The following GDAP1L1 variants were observed in gnomAD, a reference collection of about 807,000 sequenced individuals.
GDAP1L1 encodes ganglioside-induced differentiation-associated protein 1-like 1.
A neutral mutation model predicts 37.1 loss-of-function variants in GDAP1L1; 21 were observed. The observed-to-expected ratio is 0.57, with a 90% CI of 0.40 to 0.81. GDAP1L1 has a LOEUF of 0.81. Ranked by LOEUF, GDAP1L1 falls within the 40% of genes least tolerant of loss-of-function variation. The pLI, the probability that GDAP1L1 is intolerant of heterozygous loss-of-function variation, is 0.00. For synonymous variants in GDAP1L1, 193 were observed against 209.1 expected (o/e 0.92, Z 0.67); for missense variants, 362 against 491.6 (o/e 0.74, Z 2.49).
At chr20:44,274,906 A>T (rs145110826) in intron 5 of GDAP1L1, among the ~76,000 whole-genome samples, 4 of 151,706 alleles carry the variant, frequency 2.6e-5, no homozygotes, top group East Asian at 1.9e-4. Flanking sequence ...TTTGTTTGTT[A>T]GTTTTTGAGA....
intron 5 of GDAP1L1, among the ~76,000 whole-genome samples, chr20:44,269,179 C>T (rs1274024911): frequency 1.3e-5 from 2 of 152,042 alleles, no homozygotes; most frequent in Admixed American, 6.6e-5. Flanking sequence ...CTTTTTCATT[C>T]ATTTTTTCAA....
At chr20:44,267,088 G>A (rs181841220) in intron 5 of GDAP1L1, among the ~76,000 whole-genome samples, 94 of 152,308 alleles carry the variant, frequency 6.2e-4, no homozygotes, top group African/African-American at 2.2e-3. Context: ...AGAGCTTAAG[G>A]CTTCAACATG....
intron 5 of GDAP1L1, chr20:44,265,629 G>GA: frequency 2.6e-6 from 1 of 384,718 alleles, no homozygotes; most frequent in Non-Finnish European, 3.6e-6. Flanking sequence ...TCTATAAGAT[G>GA]GGATGGTAAT....
chr20:44,265,070 C>T (rs1600549703), intron 5 of GDAP1L1: 1 of 985,362 alleles, frequency 1.0e-6, no homozygotes, highest in Non-Finnish European at 1.2e-6. Context: ...CGGTTGCTCC[C>T]CCATCACCTC....
chr20:44,247,226 G>C, upstream of GDAP1L1: 6 of 1,093,498 alleles, frequency 5.5e-6, no homozygotes, highest in South Asian at 5.5e-5. Context: ...TTCACGGAGC[G>C]GGGAGGGAGG....
chr20:44,265,766 T>G (rs933139090), intron 5 of GDAP1L1, among the ~76,000 whole-genome samples: 8 of 152,150 alleles, frequency 5.3e-5, no homozygotes, highest in African/African-American at 1.7e-4. Flanking sequence ...ATGAGAAAAC[T>G]GAGGCTCAGA....
chr20:44,258,049 C>T, intron 2 of GDAP1L1: 1 of 661,280 alleles, frequency 1.5e-6, no homozygotes, highest in South Asian at 1.7e-5. Context: ...GCTCAGACAC[C>T]CACTGGGAGG....
chr20:44,277,017 TTTTATTTA>T (rs953029478), intron 5 of GDAP1L1, among the ~76,000 whole-genome samples: 2 of 152,012 alleles, frequency 1.3e-5, no homozygotes, highest in South Asian at 2.1e-4. Flanking sequence ...TTTTTTTAAT[TTTTATTTA>T]TTTATTTATT....
chr20:44,253,185 A>T (rs2145991461), intron 1 of GDAP1L1, among the ~76,000 whole-genome samples: 1 of 152,170 alleles, frequency 6.6e-6, no homozygotes, highest in Non-Finnish European at 1.5e-5. Flanking sequence ...TGACAGACCA[A>T]ATTGCTTACC....
intron 5 of GDAP1L1, among the ~76,000 whole-genome samples, chr20:44,276,412 A>AAAGAAAGAAAG (rs2062576459): frequency 3.6e-4 from 41 of 113,394 alleles, no homozygotes; most frequent in African/African-American, 1.4e-3. Flanking sequence ...AGAAAAAAGA[A>AAAGAAAGAAAG]AAAGAAAGAA....
Position 44,247,312 on chromosome 20 carries a change from C to T in GDAP1L1, c.-23C>T. On this transcript the variant is annotated 5_prime_UTR_variant, in exon 1 of 6. Transcript: ENST00000342560. The stretch of plus-strand genomic sequence containing the variant: ...CCGCCGCGCCGGAGCCTCCTTCTTT[C>T]CTGCCTCTGATTCCGGGCTGTCATG... 6.2e-7 allele frequency: 1 copy of T among 1,612,762 alleles called. No homozygotes were observed. The highest frequency in any genetic ancestry group is 2.2e-5 in the East Asian group (1 of 44,800).
chr20:44,266,451 C>T (rs1043001925), intron 5 of GDAP1L1, among the ~76,000 whole-genome samples: 3 of 151,870 alleles, frequency 2.0e-5, no homozygotes, highest in African/African-American at 7.3e-5. Flanking sequence ...AGAGTCCCAG[C>T]TCTGCCATGC....
chr20:44,258,613 T>C lies in GDAP1L1; in HGVS notation c.547+6T>C. ...CGCCACGGCCGAGATCCGCAGTGAG[T>C]GCCAGGGCGGCGAGACAGCCCCTCT... On this transcript the variant is annotated splice_donor_region_variant and intron_variant, in intron 3 of 5. Coordinates refer to ENST00000342560, the MANE Select transcript of GDAP1L1 (RefSeq NM_024034.6). The C allele has an allele frequency of 6.3e-7, 1 of 1,592,148 alleles. No individual in the cohort carries two copies. The highest frequency in any genetic ancestry group is 1.3e-5 in the African/African-American group (1 of 74,504).
intron 5 of GDAP1L1, among the ~76,000 whole-genome samples, chr20:44,265,849 G>A (rs386626666): frequency 1.1e-4 from 17 of 152,262 alleles, no homozygotes; most frequent in South Asian, 8.3e-4. Context: ...GTTCCCTCTC[G>A]ATGGGTCCAG....
At chr20:44,270,202 G>T (rs1201425541) in intron 5 of GDAP1L1, among the ~76,000 whole-genome samples, 2 of 118,146 alleles carry the variant, frequency 1.7e-5, no homozygotes, top group African/African-American at 6.8e-5. Context: ...ACGGAGTCTC[G>T]CTCTGTCGCC....
At chr20:44,252,571 C>T (rs1410666823) in intron 1 of GDAP1L1, among the ~76,000 whole-genome samples, 1 of 152,152 alleles carries the variant, frequency 6.6e-6, no homozygotes, top group East Asian at 1.9e-4. Flanking sequence ...ACCTGGGAGG[C>T]GGAGGTTGCA....
At chr20:44,276,456 G>GAAAGAAAGAAAGAAAGAAAGAAAGAA (rs1555801209) in intron 5 of GDAP1L1, among the ~76,000 whole-genome samples, 62 of 150,194 alleles carry the variant, frequency 4.1e-4, no homozygotes, top group South Asian at 2.3e-3. Context: ...AAGAAAGAAA[G>GAAAGAAAGAAAGAAAGAAAGAAAGAA]AAAGAAAGAA....
intron 5 of GDAP1L1, chr20:44,265,104 A>G: frequency 1.0e-6 from 1 of 985,228 alleles, no homozygotes; most frequent in Non-Finnish European, 1.2e-6. Context: ...GATGGCCACT[A>G]CCCACCACAC....
chr20:44,253,410 A>T (rs567648965), intron 1 of GDAP1L1, among the ~76,000 whole-genome samples: 20 of 152,278 alleles, frequency 1.3e-4, no homozygotes, highest in African/African-American at 4.1e-4. Context: ...TAATTTTTTT[A>T]AAAAAAGAAT....
Sources: allele counts gnomAD v4.1 joint callset (sites outside exome capture counted in the v4.1 genomes callset), GRCh38; gene constraint gnomAD v4.1.1; transcripts MANE v1.5; gene names NCBI Gene and HGNC (gene_info 2026-07-23, HGNC 2026-07-21).